CAV2: variants seen among roughly 807,000 people sequenced by gnomAD.
CAV2 encodes the protein caveolin-2.
CAV2 carries 7 observed loss-of-function variants against 15.5 expected under a neutral mutation model. The ratio of observed to expected loss-of-function variants is 0.45; its 90% CI spans 0.26 to 0.85. The LOEUF (loss-of-function observed/expected upper bound fraction) is 0.85. CAV2 is among the 40% of genes least tolerant of loss of function. The pLI is 0.18. For missense variants in CAV2, 229 were observed against 208.8 expected, an observed-to-expected ratio of 1.10 and a Z score of -0.60; for synonymous variants, 76 against 83.1, an observed-to-expected ratio of 0.91 and a Z score of 0.46.
chr7:116,505,995 C>G lies in CAV2; in HGVS notation c.363C>G (p.Thr121=), dbSNP rs759051961. Residue 121 remains threonine (T), a synonymous_variant, in exon 3 of 3, where the codon ACC becomes ACG. Coordinates refer to ENST00000222693, the MANE Select transcript of CAV2 (RefSeq NM_001233.5). The stretch of plus-strand genomic sequence containing the variant: ...GGATTTTAATGCCTTTTGTAAAGAC[C>G]TGCCTAATGGTTCTGCCTTCAGTGC... The part of the protein sequence containing the change: ...HIWILMPFVK[T]CLMVLPSVQT... 3.3e-5 allele frequency: 53 copies of G among 1,612,998 alleles called. 2 individuals carry two copies. In the South Asian group the frequency reaches 5.4e-4, roughly 16 times the overall value.
In CAV2 at chr7:116,499,738, G is replaced by T. The variant is rs376062322; in HGVS notation, c.-44G>T. ...GGGGAGGCCGCGCGGACCGGGAGCC[G>T]CACCGCGCCAGCCGGGCTGCAGCGG... On this transcript the variant is annotated 5_prime_UTR_variant, in exon 1 of 3. Coordinates refer to ENST00000222693, the MANE Select transcript of CAV2 (RefSeq NM_001233.5). 29 of 1,450,674 alleles carry T rather than the reference G, an allele frequency of 2.0e-5. No homozygotes were observed. The highest frequency in any genetic ancestry group is 3.7e-4 in the Middle Eastern group (2 of 5,478). The allele number at this position is 1,450,674 out of a possible 1,614,324, so 89.9% of individuals were successfully genotyped here.
intron 2 of CAV2, among the ~76,000 whole-genome samples, chr7:116,504,811 T>C (rs1471078022): frequency 1.3e-5 from 2 of 152,208 alleles, no homozygotes; most frequent in Non-Finnish European, 2.9e-5. Flanking sequence ...GGAACAAGTG[T>C]ATGAAAAATA....
In CAV2 at chr7:116,505,949, CAT is replaced by C. The variant is rs1402306764; in HGVS notation, c.339-21_339-20del. 1 of 1,576,612 alleles carries C rather than the reference CAT, an allele frequency of 6.3e-7. No individual in the cohort carries two copies. On this transcript the variant is annotated intron_variant, in intron 2 of 2. Transcript: ENST00000222693. The stretch of plus-strand genomic sequence containing the variant: ...TTTGGTAACAGCAACAATCCTCACA[CAT>C]CTCTCTTCCTTCCTTCCAGGATTTT...
At position 116,507,368 on chromosome 7, in the gene CAV2, T is replaced by C. The variant is rs1208044065; in HGVS notation, c.*1247T>C. On this transcript the variant is annotated 3_prime_UTR_variant, in exon 3 of 3. Coordinates refer to ENST00000222693, the MANE Select transcript of CAV2 (RefSeq NM_001233.5). ...TTTCAGTGTGATGAATCACTGTTGCTTTGAAAAATCTCATTATTTCTGGGC... is the reference window on the plus strand; with the variant it reads ...TTTCAGTGTGATGAATCACTGTTGCCTTGAAAAATCTCATTATTTCTGGGC... 1.3e-5 allele frequency: 2 copies of C among 152,244 alleles called. No homozygotes were observed. Among genetic ancestry groups the C allele is most frequent in the Non-Finnish European group, 2.9e-5 (2 of 68,068 alleles). The allele number at this position is 152,244 out of a possible 1,614,324, so 9.4% of individuals were successfully genotyped here.
chr7:116,504,008 AGAAAG>A (rs1793171489), intron 2 of CAV2, among the ~76,000 whole-genome samples: 1 of 137,654 alleles, frequency 7.3e-6, no homozygotes, highest in South Asian at 2.4e-4. Context: ...AAAAAAGAAA[AGAAAG>A]GAAAGAAAGA....
At position 116,506,351 on chromosome 7, in the gene CAV2, G is replaced by GAC. The variant is rs1793239571; in HGVS notation, c.*233_*234dup. ...TGTAACCAGAATTATACAGTAAGTTGACACCACTTAGATTTAAAGGCAGAC... is the reference window on the plus strand; with the variant it reads ...TGTAACCAGAATTATACAGTAAGTTGACACACCACTTAGATTTAAAGGCAGAC... On this transcript the variant is annotated 3_prime_UTR_variant, in exon 3 of 3. Coordinates refer to ENST00000222693, the MANE Select transcript of CAV2 (RefSeq NM_001233.5). The GAC allele has an allele frequency of 6.6e-6, 3 of 453,586 alleles. No individual in the cohort carries two copies. The highest frequency in any genetic ancestry group is 2.0e-5 in the African/African-American group (1 of 50,618). 28.1% of individuals were successfully genotyped at this position (453,586 alleles called of 1,614,324 possible). A position where few individuals can be genotyped will look rare whatever the true frequency, so the allele number is the denominator to read the frequency against.
chr7:116,505,996 T>C lies in CAV2; in HGVS notation c.364T>C (p.Cys122Arg), dbSNP rs898587416. Residue 122 changes from cysteine (C) to arginine (R), a missense_variant, in exon 3 of 3, where the codon TGC becomes CGC. Transcript: ENST00000222693. ...IWILMPFVKT[C>R]LMVLPSVQTI... ...GATTTTAATGCCTTTTGTAAAGACC[T>C]GCCTAATGGTTCTGCCTTCAGTGCA... 3.1e-6 allele frequency: 5 copies of C among 1,613,290 alleles called. No individual in the cohort carries two copies. The highest frequency in any genetic ancestry group is 4.2e-6 in the Non-Finnish European group (5 of 1,179,496).
At chr7:116,505,547 G>T (rs1401149366) in intron 2 of CAV2, among the ~76,000 whole-genome samples, 3 of 152,162 alleles carry the variant, frequency 2.0e-5, no homozygotes, top group Non-Finnish European at 4.4e-5. Context: ...ACCTCAGGAA[G>T]CTTCCACTTA....
chr7:116,503,601 G>A (rs1793150564), intron 2 of CAV2, among the ~76,000 whole-genome samples: 1 of 131,354 alleles, frequency 7.6e-6, no homozygotes, highest in African/African-American at 2.6e-5. Flanking sequence ...GGCCAAGCTG[G>A]GCAGATCACT....
chr7:116,500,952 C>A (rs531006974), intron 2 of CAV2: 3 of 153,446 alleles, frequency 2.0e-5, no homozygotes, highest in Non-Finnish European at 4.4e-5. Context: ...TCAACTTTGC[C>A]CCTGGCAGAT....
chr7:116,505,492 C>A (rs191802858), intron 2 of CAV2, among the ~76,000 whole-genome samples: 2 of 152,082 alleles, frequency 1.3e-5, no homozygotes, highest in African/African-American at 4.8e-5. Context: ...CACAGTTCTG[C>A]GGGCTGTACA....
chr7:116,499,890 G>C lies in CAV2; in HGVS notation c.109G>C (p.Asp37His), dbSNP rs1458603727. 1 of 1,612,096 alleles carries C rather than the reference G, an allele frequency of 6.2e-7. No individual in the cohort carries two copies. Among genetic ancestry groups the C allele is most frequent in the Admixed American group, 1.7e-5 (1 of 59,956 alleles). The change falls in exon 1 of 3, where the codon GAC becomes CAC. Residue 37 changes from aspartate (D) to histidine (H), a missense_variant. By Grantham distance (81) the Asp-to-His change is moderately conservative. Coordinates refer to ENST00000222693, the MANE Select transcript of CAV2 (RefSeq NM_001233.5). ...YADPEKFADS[D>H]QDRDPHRLNS... is the part of the protein sequence containing the mutation. ...CGACCCCGAGAAGTTCGCGGACTCG[G>C]ACCAGGACCGGGATCCCCACCGGCT...
Position 116,506,176 on chromosome 7 carries a change from T to C in CAV2, c.*55T>C, listed in dbSNP as rs1793235016. The C allele has an allele frequency of 1.3e-6, 2 of 1,575,096 alleles. No individual in the cohort carries two copies. The highest frequency in any genetic ancestry group is 1.7e-6 in the Non-Finnish European group (2 of 1,146,690). On this transcript the variant is annotated 3_prime_UTR_variant, in exon 3 of 3. Coordinates refer to ENST00000222693, the MANE Select transcript of CAV2 (RefSeq NM_001233.5). ...ATACTGTAATACTTCTTTGTTATTA[T>C]AACATAAAAGCACCACTGTTCTGTT...
At chr7:116,503,911 G>GAGGA (rs1277279318) in intron 2 of CAV2, among the ~76,000 whole-genome samples, 1 of 10,168 alleles carries the variant, frequency 9.8e-5, no homozygotes, top group South Asian at 8.8e-3. Context: ...GGGAGGGAGG[G>GAGGA]AGGAAGGAAG....
In CAV2 at chr7:116,500,406, T is replaced by G; in HGVS notation, c.297T>G (p.Ile99Met). The G allele has an allele frequency of 6.2e-7, 1 of 1,614,142 alleles. No individual in the cohort carries two copies. Among genetic ancestry groups the G allele is most frequent in the Non-Finnish European group, 8.5e-7 (1 of 1,180,000 alleles). The change falls in exon 2 of 3, where the codon ATT becomes ATG. Residue 99 changes from isoleucine (I) to methionine (M), a missense_variant. Coordinates refer to ENST00000222693, the MANE Select transcript of CAV2 (RefSeq NM_001233.5). ...TVFLAIPLAF[I>M]AGILFATLSC... ...TCCTGGCCATTCCCCTGGCCTTCAT[T>G]GCGGGAATTCTCTTTGCCACCCTCA...
At chr7:116,503,397 G>T (rs1332726391) in intron 2 of CAV2, among the ~76,000 whole-genome samples, 5 of 152,120 alleles carry the variant, frequency 3.3e-5, no homozygotes, top group African/African-American at 2.4e-5. Context: ...CCTATAAACT[G>T]AACTCCTCGA....
rs1297954189 is a variant in CAV2, at chr7:116,506,580, A to G, written c.*459A>G. ...ATAGTCACTGGCATACTGAGAATAT[A>G]CAATGATCCTGGAAATTGCAGTAAC... On this transcript the variant is annotated 3_prime_UTR_variant, in exon 3 of 3. Coordinates refer to ENST00000222693, the MANE Select transcript of CAV2 (RefSeq NM_001233.5). 1 of 153,006 alleles carries G rather than the reference A, an allele frequency of 6.5e-6. No individual in the cohort carries two copies. The highest frequency in any genetic ancestry group is 2.4e-5 in the African/African-American group (1 of 41,482). 9.5% of individuals were successfully genotyped at this position (153,006 alleles called of 1,614,324 possible).
rs188978117 is a variant in CAV2 at position 116,506,935 on chromosome 7, A to T, written c.*814A>T. The T allele has an allele frequency of 1.1e-4, 16 of 152,372 alleles. No homozygotes were observed. The East Asian group carries it at 2.7e-3, about 26-fold the overall frequency. 9.4% of individuals were successfully genotyped at this position (152,372 alleles called of 1,614,324 possible). ...TGGAAATAAAAGATAAAAGAGCGAT[A>T]CACAAAGCTTTCTTTTCTAACTTTT... On this transcript the variant is annotated 3_prime_UTR_variant, in exon 3 of 3. Coordinates refer to ENST00000222693, the MANE Select transcript of CAV2 (RefSeq NM_001233.5).
chr7:116,503,168 T>A (rs937479777), intron 2 of CAV2, among the ~76,000 whole-genome samples: 2 of 148,612 alleles, frequency 1.3e-5, no homozygotes, highest in Non-Finnish European at 3.0e-5. Flanking sequence ...TTAATATATA[T>A]AATATATATA....
Sources: allele counts gnomAD v4.1 joint callset (sites outside exome capture counted in the v4.1 genomes callset), GRCh38; gene constraint gnomAD v4.1.1; transcripts MANE v1.5; gene names NCBI Gene and HGNC (gene_info 2026-07-23, HGNC 2026-07-21).